Variants in STX5 observed in about 807,000 individuals in gnomAD.
The protein encoded by STX5 is syntaxin-5.
In STX5, 15 loss-of-function variants were observed where a neutral mutation model predicts 42.9. The ratio of observed to expected loss-of-function variants is 0.35; its 90% CI spans 0.23 to 0.54. The LOEUF (loss-of-function observed/expected upper bound fraction) is 0.54. Ranked by LOEUF, STX5 falls within the 20% of genes least tolerant of loss-of-function variation. The pLI is 0.91. For missense variants in STX5, 430 were observed against 455.0 expected (o/e 0.95, Z 0.50); for synonymous variants, 184 against 173.2 (o/e 1.06, Z -0.49).
At chr11:62,831,922 G>A (rs1192650755) in intron 1 of STX5, 32 bp downstream of exon 1, 3 of 457,718 alleles carry the variant, frequency 6.6e-6, no homozygotes, top group African/African-American at 2.0e-5. Context: ...AGCTGACACG[G>A]CGGCCAGATC....
intron 10 of STX5, among the ~76,000 whole-genome samples, chr11:62,822,603 T>C (rs946605821): frequency 2.0e-5 from 3 of 152,002 alleles, no homozygotes; most frequent in African/African-American, 7.3e-5. Flanking sequence ...CCAAGTGTGA[T>C]GCCACCTTCT....
At chr11:62,810,196 C>T (rs1486927542) in intron 10 of STX5, among the ~76,000 whole-genome samples, 1 of 151,788 alleles carries the variant, frequency 6.6e-6, no homozygotes, top group South Asian at 2.1e-4. Context: ...AATCCCAGCA[C>T]TTTGGGAAGC....
chr11:62,824,699 G>T, intron 8 of STX5, 134 bp from the exon 9 acceptor site: 2 of 801,298 alleles, frequency 2.5e-6, no homozygotes, highest in Non-Finnish European at 2.0e-6. Context: ...ACCTCTCTGA[G>T]CCTCAGTTTC....
At chr11:62,808,060 T>C (rs2084572572) in intron 10 of STX5, 1 of 158,664 alleles carries the variant, frequency 6.3e-6, no homozygotes, top group African/African-American at 2.4e-5. Flanking sequence ...TCACAGACCA[T>C]TGCAGTCAGG....
intron 10 of STX5, among the ~76,000 whole-genome samples, chr11:62,816,571 C>T (rs2084675267): frequency 6.6e-6 from 1 of 151,858 alleles, no homozygotes; most frequent in South Asian, 2.1e-4. Flanking sequence ...GCCTAACCCC[C>T]AAATTTTCAT....
intron 10 of STX5, among the ~76,000 whole-genome samples, chr11:62,815,358 C>T (rs987896220): frequency 2.4e-4 from 37 of 151,848 alleles, no homozygotes; most frequent in Non-Finnish European, 4.6e-4. Context: ...GACAGAGTAT[C>T]GCTCTGTCGT....
intron 8 of STX5, among the ~76,000 whole-genome samples, chr11:62,824,795 C>T (rs767176702): frequency 4.6e-5 from 7 of 151,074 alleles, no homozygotes; most frequent in African/African-American, 7.4e-5. Flanking sequence ...ATAAAGTGTA[C>T]GAAAAAAAAT....
chr11:62,820,520 CTTTTTT>C (rs374794905), intron 10 of STX5, among the ~76,000 whole-genome samples: 11 of 140,682 alleles, frequency 7.8e-5, no homozygotes, highest in Non-Finnish European at 1.2e-4. Flanking sequence ...TTTTCTTTTT[CTTTTTT>C]TTTTTTTTGA....
rs773360767 is a variant in STX5 at position 62,827,682 on chromosome 11, C to T, written c.226-51G>A. 12 of 1,594,572 alleles carry T rather than the reference C, an allele frequency of 7.5e-6. No homozygotes were observed. The South Asian group carries it at 1.0e-4, about 13-fold the overall frequency. Reference sequence around the variant, plus strand: ...AACTTTAGTTCTCCCTTCCCCAGTTCCAGCTTTCACTCTTCCTGAGGTGTC... The same window carrying T: ...AACTTTAGTTCTCCCTTCCCCAGTTTCAGCTTTCACTCTTCCTGAGGTGTC... On this transcript the variant is annotated intron_variant, in intron 2 of 10. Transcript: ENST00000294179.
intron 10 of STX5, among the ~76,000 whole-genome samples, chr11:62,808,492 T>C (rs1218696880): frequency 6.6e-6 from 1 of 151,334 alleles, no homozygotes. Flanking sequence ...GGCCAGGCTG[T>C]AATCCCAGCA....
At chr11:62,830,388 G>C (rs1245871643) in intron 2 of STX5, 3 of 371,988 alleles carry the variant, frequency 8.1e-6, no homozygotes, top group Non-Finnish European at 1.6e-5. Context: ...CTGCCTGTAC[G>C]AAAAAATTTT....
chr11:62,824,299 GGA>G lies in STX5; in HGVS notation c.787-14_787-13del, dbSNP rs1565213533. On this transcript the variant is annotated splice_polypyrimidine_tract_variant and intron_variant, in intron 9 of 10. Coordinates refer to ENST00000294179, the MANE Select transcript of STX5 (RefSeq NM_003164.5). Reference sequence around the variant, plus strand: ...TGGATGTAGGAATCCTTCAGGAGAGGGAGAGAGCACATGAGCACCAACAGCTT... The same window carrying G: ...TGGATGTAGGAATCCTTCAGGAGAGGGAGAGCACATGAGCACCAACAGCTT... 6.2e-7 allele frequency: 1 copy of G among 1,614,170 alleles called. No individual in the cohort carries two copies. Among genetic ancestry groups the G allele is most frequent in the East Asian group, 2.2e-5 (1 of 44,888 alleles).
intron 10 of STX5, among the ~76,000 whole-genome samples, chr11:62,815,454 G>GTA (rs1565209131): frequency 8.2e-6 from 1 of 121,724 alleles, no homozygotes. Context: ...TTGAGACAGA[G>GTA]TATCACTCTG....
rs374738107 is a variant in STX5 at position 62,824,509 on chromosome 11, C to A, written c.736G>T (p.Asp246Tyr). The change falls in exon 9 of 11, where the codon GAC becomes TAC. Residue 246 changes from aspartate (D) to tyrosine (Y), a missense_variant. Asp to Tyr is a radical substitution (Grantham distance 160, BLOSUM62 -3). Coordinates refer to ENST00000294179, the MANE Select transcript of STX5 (RefSeq NM_003164.5). Reference protein sequence around the residue: ...ESHASKDVAIDMMDSRTSQQL... With the variant: ...ESHASKDVAIYMMDSRTSQQL... ...TGGCTGGTCCGAGAGTCCATCATGT[C>A]GATGGCGACATCCTTGGAGGCATGG... 6.2e-7 allele frequency: 1 copy of A among 1,614,154 alleles called. No homozygotes were observed. Among genetic ancestry groups the A allele is most frequent in the African/African-American group, 1.3e-5 (1 of 75,034 alleles).
chr11:62,823,961 T>C, intron 10 of STX5: 3 of 688,484 alleles, frequency 4.4e-6, no homozygotes, highest in Non-Finnish European at 7.2e-6. Flanking sequence ...TGCCACTGTA[T>C]CTCCCGCACC....
intron 10 of STX5, among the ~76,000 whole-genome samples, chr11:62,812,430 G>A (rs1232153164): frequency 2.7e-5 from 4 of 150,776 alleles, no homozygotes; most frequent in African/African-American, 9.7e-5. Context: ...CTTTTTTTTG[G>A]AAACGGTGTC....
chr11:62,828,746 T>TAAACAAACAAAC (rs58225409), intron 2 of STX5, among the ~76,000 whole-genome samples: 1 of 147,166 alleles, frequency 6.8e-6, no homozygotes, highest in African/African-American at 2.6e-5. Flanking sequence ...AATAAATAAA[T>TAAACAAACAAAC]AAACAAACAA....
At chr11:62,818,494 G>A (rs2084700230) in intron 10 of STX5, among the ~76,000 whole-genome samples, 1 of 149,458 alleles carries the variant, frequency 6.7e-6, no homozygotes, top group Non-Finnish European at 1.5e-5. Flanking sequence ...TCCAGGAAGT[G>A]GAGACTGCAA....
chr11:62,812,422 T>TC (rs1280603259), intron 10 of STX5, among the ~76,000 whole-genome samples: 1 of 151,800 alleles, frequency 6.6e-6, no homozygotes, highest in East Asian at 2.0e-4. Flanking sequence ...ATAATATTCT[T>TC]TTTTTTGGAA....
Sources: allele counts gnomAD v4.1 joint callset (sites outside exome capture counted in the v4.1 genomes callset), GRCh38; gene constraint gnomAD v4.1.1; transcripts MANE v1.5; gene names NCBI Gene and HGNC (gene_info 2026-07-23, HGNC 2026-07-21).